Variants in SLU7 observed in about 807,000 individuals in gnomAD.
SLU7 encodes the protein spliceosome associated SLU7, also known as pre-mRNA-splicing factor SLU7.
A neutral mutation model predicts 87.0 loss-of-function variants in SLU7; 60 were observed. That is an observed-to-expected ratio of 0.69 (90% CI 0.56 to 0.86). SLU7 has a LOEUF of 0.86. SLU7 is among the 40% of genes least tolerant of loss of function. The pLI is 0.00. For missense variants in SLU7, 507 were observed against 686.6 expected (o/e 0.74, Z 2.92); for synonymous variants, 197 against 222.0 (o/e 0.89, Z 1.00).
chr5:160,413,422 T>A, intron 5 of SLU7, 34 bp downstream of exon 5: 1 of 1,601,218 alleles, frequency 6.2e-7, no homozygotes, highest in Non-Finnish European at 8.5e-7. Flanking sequence ...GACGATTCTT[T>A]AAAAACCCCA....
chr5:160,411,733 A>G (rs1240188669), intron 6 of SLU7, among the ~76,000 whole-genome samples: 2 of 152,332 alleles, frequency 1.3e-5, no homozygotes, highest in Non-Finnish European at 2.9e-5. Flanking sequence ...AAGAAACTTG[A>G]CAACTCTAAT....
At position 160,407,443 on chromosome 5, in the gene SLU7, G is replaced by C. The variant is rs1157063064; in HGVS notation, c.1125+33C>G. 6.3e-7 allele frequency: 1 copy of C among 1,583,972 alleles called. No homozygotes were observed. Among genetic ancestry groups the C allele is most frequent in the African/African-American group, 1.4e-5 (1 of 73,306 alleles). ...ATTAACTAGTAACTTCTCTTTAACA[G>C]AAGTTCTTCTTTAGCATTTTGGTCA... On this transcript the variant is annotated intron_variant, in intron 11 of 15. Transcript: ENST00000297151. The surrounding 1 kb of genome is among the most constrained non-coding windows in gnomAD (Gnocchi z 4.2).
At chr5:160,412,320 C>T in intron 6 of SLU7, 131 bp downstream of exon 6, 1 of 623,282 alleles carries the variant, frequency 1.6e-6, no homozygotes, top group Non-Finnish European at 2.8e-6. Context: ...TACAAAGTAT[C>T]AGTTTTATTT....
chr5:160,413,902 A>C lies in SLU7; in HGVS notation c.402T>G (p.Phe134Leu). 6.3e-7 allele frequency: 1 copy of C among 1,590,234 alleles called. No individual in the cohort carries two copies. Among genetic ancestry groups the C allele is most frequent in the East Asian group, 2.3e-5 (1 of 44,362 alleles). Residue 134 changes from phenylalanine to leucine, a missense_variant, in exon 4 of 16, where the codon TTT (phenylalanine) becomes TTG (leucine). Around this residue, in one of 6 missense-constraint regions of SLU7, gnomAD observed 155 missense variants for 154.4 expected, o/e 1.00. Coordinates refer to ENST00000297151, the MANE Select transcript of SLU7 (RefSeq NM_006425.5). ...AAATTTTCAAAGGTGAACTTACCTC[A>C]AAGCAGTCTTTCTTTTTGTGTGTCA... ...GAMTHKKKDC[F>L]ERPRRVGAKF...
At position 160,407,421 on chromosome 5, in the gene SLU7, A is replaced by T; in HGVS notation, c.1125+55T>A. On this transcript the variant is annotated intron_variant, in intron 11 of 15. Transcript: ENST00000297151. This position sits in a 1 kb window ranked among gnomAD's most constrained non-coding sequence, Gnocchi z 4.2. ...TCCAAATGTAAAACTAACGCTTATT[A>T]ACTAGTAACTTCTCTTTAACAGAAG... 1 of 1,500,396 alleles carries T rather than the reference A, an allele frequency of 6.7e-7. No individual in the cohort carries two copies. Among genetic ancestry groups the T allele is most frequent in the Non-Finnish European group, 9.1e-7 (1 of 1,103,082 alleles). 92.9% of individuals were successfully genotyped at this position (1,500,396 alleles called of 1,614,324 possible). A position where few individuals can be genotyped will look rare whatever the true frequency, so the allele number is the denominator to read the frequency against.
At chr5:160,411,996 A>G (rs1765257673) in intron 6 of SLU7, among the ~76,000 whole-genome samples, 1 of 152,220 alleles carries the variant, frequency 6.6e-6, no homozygotes, top group South Asian at 2.1e-4. Context: ...TTATTCAAAT[A>G]CAAGTGTTAA....
Position 160,413,959 on chromosome 5 carries a change from G to C in SLU7, c.345C>G (p.Tyr115Ter). 1 of 1,587,048 alleles carries C rather than the reference G, an allele frequency of 6.3e-7. No homozygotes were observed. Among genetic ancestry groups the C allele is most frequent in the Non-Finnish European group, 8.6e-7 (1 of 1,167,192 alleles). The stretch of plus-strand genomic sequence containing the variant: ...CACAATTTTCACATGCTCCTTTGCG[G>C]TACTTAGTAATTATGGAATTCTATA... Reference protein sequence around the residue: ...GVKENSIITKYRKGACENCGA... With the variant: ...GVKENSIITK Residue 115 changes from tyrosine (Y) to a stop codon, truncating the protein, a stop_gained, in exon 4 of 16, where the codon TAC (tyrosine) becomes TAG (stop). Coordinates refer to ENST00000297151, the MANE Select transcript of SLU7 (RefSeq NM_006425.5). LOFTEE classifies it high-confidence loss of function.
At chr5:160,408,600 C>G in intron 7 of SLU7, 50 bp downstream of exon 7, 1 of 1,414,648 alleles carries the variant, frequency 7.1e-7, no homozygotes, top group Non-Finnish European at 9.9e-7. Flanking sequence ...TATTAGCCAT[C>G]AGAAATTTAA....
Position 160,404,874 on chromosome 5 carries a change from C to T in SLU7, c.1399G>A (p.Glu467Lys). Reference sequence around the variant, plus strand: ...GTTATCTCATTTATAATACACTCCTCAGAGTTCTGTGGGAAATACATGTAA... The same window carrying T: ...GTTATCTCATTTATAATACACTCCTTAGAGTTCTGTGGGAAATACATGTAA... Reference protein sequence around the residue: ...GEAGKEIVNSEECIINEITGE... With the variant: ...GEAGKEIVNSKECIINEITGE... The change falls in exon 14 of 16, where the codon GAG becomes AAG. Residue 467 changes from glutamate (E) to lysine (K), a missense_variant. Glu to Lys is a moderately conservative substitution (Grantham distance 56). This residue lies in a region of SLU7 where 201 missense variants were observed against 213.4 expected (regional missense o/e 0.94). Transcript: ENST00000297151. The T allele has an allele frequency of 6.2e-7, 1 of 1,607,210 alleles. No homozygotes were observed. Among genetic ancestry groups the T allele is most frequent in the Non-Finnish European group, 8.5e-7 (1 of 1,173,832 alleles).
At chr5:160,414,033 T>A in intron 3 of SLU7, 54 bp from the exon 4 acceptor site, 2 of 1,097,556 alleles carry the variant, frequency 1.8e-6, no homozygotes, top group South Asian at 3.1e-5. Context: ...AAGTTAGAAA[T>A]AACTTTGACT....
At position 160,406,480 on chromosome 5, in the gene SLU7, G is replaced by T. The variant is rs111965380; in HGVS notation, c.1275C>A (p.Ile425=). The change falls in exon 12 of 16, where the codon ATC becomes ATA. Residue 425 remains isoleucine, a synonymous_variant. Coordinates refer to ENST00000297151, the MANE Select transcript of SLU7 (RefSeq NM_006425.5). ...GTTTAGCACATACTGTGTGATTGTG[G>T]ATCTTCACATCCTCCTCATACTTAG... ...ACSKYEEDVK[I]HNHTHIWGSY... is the part of the protein sequence containing the mutation. 1 of 1,608,800 alleles carries T rather than the reference G, an allele frequency of 6.2e-7. No homozygotes were observed.
Position 160,415,117 on chromosome 5 carries a change from G to C in SLU7, c.170+8C>G, listed in dbSNP as rs368781463. On this transcript the variant is annotated splice_region_variant and intron_variant, in intron 2 of 15. Coordinates refer to ENST00000297151, the MANE Select transcript of SLU7 (RefSeq NM_006425.5). Reference sequence around the variant, plus strand: ...ATGAATGGATCATACAAAAAATTAAGTACTTACTTTCCTTCTTCATCAACT... The same window carrying C: ...ATGAATGGATCATACAAAAAATTAACTACTTACTTTCCTTCTTCATCAACT... The C allele has an allele frequency of 3.2e-6, 5 of 1,586,858 alleles. No homozygotes were observed. The African/African-American group carries it at 4.1e-5, about 13-fold the overall frequency.
At chr5:160,404,229 G>A (rs1388212952) in intron 15 of SLU7, among the ~76,000 whole-genome samples, 1 of 152,172 alleles carries the variant, frequency 6.6e-6, no homozygotes, top group Non-Finnish European at 1.5e-5. Flanking sequence ...GCTGCACATG[G>A]GGGCATGTGC....
At chr5:160,413,749 T>G in intron 4 of SLU7, 129 bp from the exon 5 acceptor site, 1 of 1,011,072 alleles carries the variant, frequency 9.9e-7, no homozygotes, top group Non-Finnish European at 1.4e-6. Context: ...TAGAAAATTT[T>G]GTTGGTGTTG....
chr5:160,416,421 G>A (rs1369131531), intron 1 of SLU7, among the ~76,000 whole-genome samples: 1 of 152,116 alleles, frequency 6.6e-6, no homozygotes, highest in Non-Finnish European at 1.5e-5. Context: ...TTCTATTCAA[G>A]ACTTTTTATC....
At chr5:160,405,274 C>G in intron 12 of SLU7, 139 bp from the exon 13 acceptor site, 1 of 623,204 alleles carries the variant, frequency 1.6e-6, no homozygotes, top group Non-Finnish European at 2.8e-6. Flanking sequence ...GGCTGGCTAA[C>G]AGGGAGAAGG....
chr5:160,418,727 A>C (rs892738125), intron 1 of SLU7: 4 of 152,246 alleles, frequency 2.6e-5, no homozygotes, highest in African/African-American at 9.6e-5. Flanking sequence ...TACTGGAAGC[A>C]GCTTTCCCTG....
Position 160,408,413 on chromosome 5 carries a change from A to G in SLU7, c.735T>C (p.Asp245=). Residue 245 remains aspartate, a synonymous_variant, in exon 8 of 16, where the codon GAT becomes GAC. Coordinates refer to ENST00000297151, the MANE Select transcript of SLU7 (RefSeq NM_006425.5). Reference sequence around the variant, plus strand: ...AATTCTGTCCAGGCATGTCAATATCATCTGCATATTTATCTTCATCCTCAT... The same window carrying G: ...AATTCTGTCCAGGCATGTCAATATCGTCTGCATATTTATCTTCATCCTCAT... ...SEDEDEDKYA[D]DIDMPGQNFD... is the part of the protein sequence containing the mutation. The G allele has an allele frequency of 6.2e-7, 1 of 1,610,178 alleles. No individual in the cohort carries two copies. The highest frequency in any genetic ancestry group is 1.7e-4 in the Middle Eastern group (1 of 6,016).
chr5:160,412,480 A>T lies in SLU7; in HGVS notation c.610T>A (p.Leu204Ile). 6.4e-7 allele frequency: 1 copy of T among 1,551,302 alleles called. No homozygotes were observed. The highest frequency in any genetic ancestry group is 8.7e-7 in the Non-Finnish European group (1 of 1,143,382). The change falls in exon 6 of 16, where the codon TTA becomes ATA. Residue 204 changes from leucine to isoleucine, a missense_variant. Around this residue, in one of 6 missense-constraint regions of SLU7, gnomAD observed 155 missense variants for 154.4 expected, o/e 1.00. Transcript: ENST00000297151. ...TGTTCCACTAATTTTCCTGAGGCTA[A>T]TTCCTCTTGGAGTTTCTGGGCTTTC... ...TLKAQKLQEE[L>I]ASGKLVEQAN...
Sources: allele counts gnomAD v4.1 joint callset (sites outside exome capture counted in the v4.1 genomes callset), GRCh38; gene constraint gnomAD v4.1.1; regional missense constraint gnomAD v4.1.1; non-coding constraint Gnocchi (gnomAD v3.1); transcripts MANE v1.5; gene names NCBI Gene and HGNC (gene_info 2026-07-23, HGNC 2026-07-21).